Variants in SPAG5 observed in about 807,000 individuals in gnomAD.
SPAG5 encodes the protein sperm-associated antigen 5.
A neutral mutation model predicts 145.4 loss-of-function variants in SPAG5; 99 were observed. The ratio of observed to expected loss-of-function variants is 0.68; its 90% CI spans 0.58 to 0.80. The LOEUF (loss-of-function observed/expected upper bound fraction) is 0.80. Ranked by LOEUF, SPAG5 falls within the 30% of genes least tolerant of loss-of-function variation. SPAG5 has a pLI of 0.00. For synonymous variants in SPAG5, 477 were observed against 525.4 expected (o/e 0.91, Z 1.26); for missense variants, 1,192 against 1,416.0 (o/e 0.84, Z 2.54).
chr17:28,587,717 CA>C (rs765826333), intron 4 of SPAG5, among the ~76,000 whole-genome samples: 7,617 of 49,044 alleles, frequency 0.16, 86 homozygotes, highest in South Asian at 0.22. Flanking sequence ...GACCTCGTCT[CA>C]AAAAAAAAAA....
rs376690588 is a variant in SPAG5, at chr17:28,579,406, T to G, written c.2964A>C (p.Gln988His). Residue 988 changes from glutamine to histidine, a missense_variant, in exon 18 of 24, where the codon CAA becomes CAC. Transcript: ENST00000321765. Reference protein sequence around the residue: ...TELQSLCSLLQESKEEAIRTL... With the variant: ...TELQSLCSLLHESKEEAIRTL... ...TCCTGATGGCTTCTTCTTTAGACTCTTGTAGCAGGGAACAAAGACTCTGAA... is the reference window on the plus strand; with the variant it reads ...TCCTGATGGCTTCTTCTTTAGACTCGTGTAGCAGGGAACAAAGACTCTGAA... 9 of 1,614,218 alleles carry G rather than the reference T, an allele frequency of 5.6e-6. No individual in the cohort carries two copies. The highest frequency in any genetic ancestry group is 7.6e-6 in the Non-Finnish European group (9 of 1,180,030).
intron 15 of SPAG5, chr17:28,582,956 A>C (rs1464817148): frequency 6.6e-6 from 1 of 152,228 alleles, no homozygotes; most frequent in African/African-American, 2.4e-5. Context: ...AAGGTAAACC[A>C]GGGAAGATTT....
chr17:28,590,868 CA>C (rs60727111), intron 4 of SPAG5, among the ~76,000 whole-genome samples: 532 of 37,418 alleles, frequency 0.014, no homozygotes, highest in East Asian at 0.048. Context: ...GACTCCGTCT[CA>C]AAAAAAAAAA....
chr17:28,598,848 G>GC, intron 1 of SPAG5, 48 bp downstream of exon 1: 1 of 1,604,294 alleles, frequency 6.2e-7, no homozygotes, highest in Non-Finnish European at 8.5e-7. Flanking sequence ...CGGTGCCCCC[G>GC]CGACAGCAGC....
chr17:28,577,576 C>A lies in SPAG5; in HGVS notation c.*123G>T, dbSNP rs2070513544. 2.8e-6 allele frequency: 2 copies of A among 724,164 alleles called. No individual in the cohort carries two copies. The highest frequency in any genetic ancestry group is 5.3e-5 in the East Asian group (2 of 37,808). 44.9% of individuals were successfully genotyped at this position (724,164 alleles called of 1,614,324 possible). A position where few individuals can be genotyped will look rare whatever the true frequency, so the allele number is the denominator to read the frequency against. Reference sequence around the variant, plus strand: ...AAGATTCCGTAAGCTTGGAGAAATTCATTAAATACACTTTATTTAAATAGC... The same window carrying A: ...AAGATTCCGTAAGCTTGGAGAAATTAATTAAATACACTTTATTTAAATAGC... On this transcript the variant is annotated 3_prime_UTR_variant, in exon 24 of 24. Coordinates refer to ENST00000321765, the MANE Select transcript of SPAG5 (RefSeq NM_006461.4).
rs2070523241 is a variant in SPAG5, at chr17:28,578,423, G to C, written c.3304C>G (p.Gln1102Glu). 6.2e-7 allele frequency: 1 copy of C among 1,614,160 alleles called. No homozygotes were observed. The highest frequency in any genetic ancestry group is 1.3e-5 in the African/African-American group (1 of 75,056). ...ALAGQLDSNC[Q>E]PMATNWIQEK... ...TGGATCCAATTGGTGGCCATAGGCT[G>C]GCAGTTGGAGTCCAGCTGGCCTGCC... Residue 1102 changes from glutamine to glutamate, a missense_variant, in exon 21 of 24, where the codon CAG becomes GAG. By Grantham distance (29) the Gln-to-Glu change is conservative. This residue lies in a region of SPAG5 where 709 missense variants were observed against 840.7 expected (regional missense o/e 0.84). Transcript: ENST00000321765.
chr17:28,592,532 T>C lies in SPAG5; in HGVS notation c.712A>G (p.Asn238Asp). ...AGAACAGAGGAAGGCAAGAAGGCGTTACTTTCAGAAGGTACTAAGTCCTCA... is the reference window on the plus strand; with the variant it reads ...AGAACAGAGGAAGGCAAGAAGGCGTCACTTTCAGAAGGTACTAAGTCCTCA... ...VREDLVPSES[N>D]AFLPSSVLWL... The change falls in exon 3 of 24, where the codon AAC becomes GAC. Residue 238 changes from asparagine (N) to aspartate (D), a missense_variant. Asn to Asp is a conservative substitution (Grantham distance 23). Transcript: ENST00000321765. 6.2e-7 allele frequency: 1 copy of C among 1,614,230 alleles called. No individual in the cohort carries two copies.
chr17:28,589,034 C>G (rs1315790086), intron 4 of SPAG5, among the ~76,000 whole-genome samples: 1 of 152,016 alleles, frequency 6.6e-6, no homozygotes, highest in East Asian at 1.9e-4. Flanking sequence ...AAACTAAGTA[C>G]CCTTAAGTTT....
chr17:28,584,861 C>T (rs2070573577), intron 10 of SPAG5, 116 bp from the exon 11 acceptor site: 1 of 869,998 alleles, frequency 1.1e-6, no homozygotes, highest in Non-Finnish European at 1.9e-6. Flanking sequence ...TGGGCATCAA[C>T]ATTGCAGAAA....
chr17:28,598,424 A>C (rs757540927), intron 2 of SPAG5, 86 bp downstream of exon 2: 23 of 1,448,934 alleles, frequency 1.6e-5, no homozygotes, highest in Non-Finnish European at 2.0e-5. Flanking sequence ...TATCGTTATT[A>C]ATTATTGTAG....
In SPAG5 at chr17:28,592,799, A is replaced by C; in HGVS notation, c.445T>G (p.Leu149Val). The C allele has an allele frequency of 6.2e-7, 1 of 1,614,148 alleles. No homozygotes were observed. Among genetic ancestry groups the C allele is most frequent in the Non-Finnish European group, 8.5e-7 (1 of 1,180,014 alleles). The change falls in exon 3 of 24, where the codon TTA becomes GTA. Residue 149 changes from leucine to valine, a missense_variant. Coordinates refer to ENST00000321765, the MANE Select transcript of SPAG5 (RefSeq NM_006461.4). ...CTGTTTGTCTCTGCCATGGTATCTAAACGGGCCTCAAATATCATGTCTTGT... is the reference window on the plus strand; with the variant it reads ...CTGTTTGTCTCTGCCATGGTATCTACACGGGCCTCAAATATCATGTCTTGT... ...QQQDMIFEAR[L>V]DTMAETNSIS...
intron 4 of SPAG5, among the ~76,000 whole-genome samples, chr17:28,588,303 A>T (rs544371704): frequency 6.6e-6 from 1 of 152,284 alleles, no homozygotes; most frequent in Non-Finnish European, 1.5e-5. Flanking sequence ...AAGGTATGTC[A>T]TTTCCCCTCT....
chr17:28,578,572 GACA>G (rs1290090749), intron 20 of SPAG5, 44 bp from the exon 21 acceptor site: 17 of 1,609,558 alleles, frequency 1.1e-5, no homozygotes, highest in Non-Finnish European at 1.3e-5. Context: ...CATAAGGATA[GACA>G]ACATGTGGTG....
intron 2 of SPAG5, among the ~76,000 whole-genome samples, chr17:28,595,409 T>G (rs982787192): frequency 1.3e-5 from 2 of 152,214 alleles, no homozygotes; most frequent in Non-Finnish European, 2.9e-5. Flanking sequence ...TATACATTTA[T>G]ATATTCAAAT....
Position 28,585,387 on chromosome 17 carries a change from C to A in SPAG5, c.1885G>T (p.Glu629Ter). The A allele has an allele frequency of 6.2e-7, 1 of 1,614,246 alleles. No homozygotes were observed. The highest frequency in any genetic ancestry group is 8.5e-7 in the Non-Finnish European group (1 of 1,180,042). ...AGACTCACTGTCTGCTGAACCAGCT[C>A]TTCTTGCTTGGCATGAAGCCCTACC... Reference protein sequence around the residue: ...QLVGLHAKQEELVQQTVSLTS... With the variant: ...QLVGLHAKQE Residue 629 changes from glutamate (E) to a stop codon, truncating the protein, a stop_gained, in exon 9 of 24, where the codon GAG becomes TAG. Coordinates refer to ENST00000321765, the MANE Select transcript of SPAG5 (RefSeq NM_006461.4). LOFTEE classifies it high-confidence loss of function.
chr17:28,583,924 T>G lies in SPAG5; in HGVS notation c.2475A>C (p.Lys825Asn). 1.2e-6 allele frequency: 2 copies of G among 1,614,108 alleles called. No individual in the cohort carries two copies. Among genetic ancestry groups the G allele is most frequent in the Non-Finnish European group, 1.7e-6 (2 of 1,180,022 alleles). The change falls in exon 14 of 24, where the codon AAA becomes AAC. Residue 825 changes from lysine (K) to asparagine (N), a missense_variant. Around this residue, in one of 5 missense-constraint regions of SPAG5, gnomAD observed 709 missense variants for 840.7 expected, o/e 0.84. Coordinates refer to ENST00000321765, the MANE Select transcript of SPAG5 (RefSeq NM_006461.4). ...LELGQVECQL[K>N]TTLEVLRERS... The stretch of plus-strand genomic sequence containing the variant: ...GCTCCCGGAGCACTTCCAGTGTGGT[T>G]TTCAATTGACACTCAACCTGACCCA...
rs766719294 is a variant in SPAG5 at position 28,585,142 on chromosome 17, G to T, written c.2027C>A (p.Ala676Asp). 18 of 1,614,066 alleles carry T rather than the reference G, an allele frequency of 1.1e-5. No individual in the cohort carries two copies. In the East Asian group the frequency reaches 3.8e-4, roughly 34 times the overall value. Residue 676 changes from alanine to aspartate, a missense_variant, in exon 10 of 24, where the codon GCC becomes GAC. Transcript: ENST00000321765. ...TEKLTVKSQQ[A>D]LQERDVAIEE... ...AATTGCCACATCACGTTCCTGCAGG[G>T]CTTGCTGGCTCTTGACTGTGAGTTT...
intron 1 of SPAG5, 121 bp downstream of exon 1, chr17:28,598,775 A>G (rs531744233): frequency 1.3e-4 from 197 of 1,512,686 alleles, no homozygotes; most frequent in Non-Finnish European, 1.4e-4. Flanking sequence ...AGCAAGGCGA[A>G]CAAAGACTCC....
Position 28,592,965 on chromosome 17 carries a change from A to C in SPAG5, c.279T>G (p.Cys93Trp). The change falls in exon 3 of 24, where the codon TGT becomes TGG. Residue 93 changes from cysteine (C) to tryptophan (W), a missense_variant. By Grantham distance (215) the Cys-to-Trp change is radical. This residue lies in a region of SPAG5 where 329 missense variants were observed against 354.0 expected (regional missense o/e 0.93). Coordinates refer to ENST00000321765, the MANE Select transcript of SPAG5 (RefSeq NM_006461.4). Reference sequence around the variant, plus strand: ...GAGGCTGCTCATCTGATTCATGCTGACAAGTTTCTAGCCACTTTGAGGAAT... The same window carrying C: ...GAGGCTGCTCATCTGATTCATGCTGCCAAGTTTCTAGCCACTTTGAGGAAT... ...FSHSSKWLETCQHESDEQPLD... is the reference protein window; with the variant it reads ...FSHSSKWLETWQHESDEQPLD... 1 of 1,614,182 alleles carries C rather than the reference A, an allele frequency of 6.2e-7. No homozygotes were observed. Among genetic ancestry groups the C allele is most frequent in the Non-Finnish European group, 8.5e-7 (1 of 1,180,036 alleles).
Sources: allele counts gnomAD v4.1 joint callset (sites outside exome capture counted in the v4.1 genomes callset), GRCh38; gene constraint gnomAD v4.1.1; regional missense constraint gnomAD v4.1.1; transcripts MANE v1.5; gene names NCBI Gene and HGNC (gene_info 2026-07-23, HGNC 2026-07-21).